Variants in WASHC4 observed in about 807,000 individuals in gnomAD.
WASHC4 encodes the protein WASH complex subunit 4, also known as WASH complex subunit 7.
WASHC4 carries 86 observed loss-of-function variants against 166.6 expected under a neutral mutation model. That is an observed-to-expected ratio of 0.52 (90% CI 0.43 to 0.62). The LOEUF is 0.62. Among genes scored for constraint, WASHC4 ranks in the 20% least tolerant of loss-of-function variants. WASHC4 has a pLI of 0.00. For missense variants in WASHC4, 1,262 were observed against 1,382.4 expected (o/e 0.91, Z 1.38); for synonymous variants, 446 against 451.6 (o/e 0.99, Z 0.16).
intron 18 of WASHC4, 29 bp from the exon 19 acceptor site, chr12:105,142,424 G>T: frequency 7.9e-7 from 1 of 1,267,400 alleles, no homozygotes; most frequent in Non-Finnish European, 1.2e-6. Context: ...TTCAGTTTTG[G>T]TGTGACTGAT....
chr12:105,139,353 G>A (rs1171295163), intron 15 of WASHC4, among the ~76,000 whole-genome samples: 2 of 148,366 alleles, frequency 1.3e-5, no homozygotes, highest in Non-Finnish European at 3.0e-5. Context: ...TGGATTATGT[G>A]TTACGTATAT....
chr12:105,114,402 G>A lies in WASHC4; in HGVS notation c.296G>A (p.Cys99Tyr), dbSNP rs751037403. ...ATCACTGTTTATGCTGCACTTTGTT[G>A]TGAAATCAAGAAATTAAAATATGAG... Reference protein sequence around the residue: ...KVITVYAALCCEIKKLKYEAE... With the variant: ...KVITVYAALCYEIKKLKYEAE... Residue 99 changes from cysteine (C) to tyrosine (Y), a missense_variant, in exon 4 of 33, where the codon TGT becomes TAT. Transcript: ENST00000332180. 6.3e-7 allele frequency: 1 copy of A among 1,594,412 alleles called. No homozygotes were observed. The highest frequency in any genetic ancestry group is 2.3e-5 in the East Asian group (1 of 44,388).
At chr12:105,129,273 C>T (rs759435095) in intron 13 of WASHC4, among the ~76,000 whole-genome samples, 3 of 152,028 alleles carry the variant, frequency 2.0e-5, no homozygotes, top group African/African-American at 2.4e-5. Flanking sequence ...TTAGTAGAGA[C>T]GAGGTTTCAT....
At chr12:105,123,431 A>G (rs1424914463) in intron 10 of WASHC4, among the ~76,000 whole-genome samples, 1 of 152,268 alleles carries the variant, frequency 6.6e-6, no homozygotes, top group African/African-American at 2.4e-5. Context: ...GTGAACACAC[A>G]GATGATAAGA....
rs756634597 is a variant in WASHC4, at chr12:105,160,066, T to C, written c.2978T>C (p.Met993Thr). The change falls in exon 29 of 33, where the codon ATG becomes ACG. Residue 993 changes from methionine to threonine, a missense_variant. Physicochemically the swap from Met to Thr is moderately conservative, Grantham distance 81. Coordinates refer to ENST00000332180, the MANE Select transcript of WASHC4 (RefSeq NM_015275.3). ...GCCGAAGGCACAGAATATTTCAAAA[T>C]GCTTGTAGACGTTTTTGCTCCAGAA... ...NSAEGTEYFKMLVDVFAPEFR... is the reference protein window; with the variant it reads ...NSAEGTEYFKTLVDVFAPEFR... 6.2e-7 allele frequency: 1 copy of C among 1,613,692 alleles called. No individual in the cohort carries two copies.
chr12:105,143,070 G>C, intron 19 of WASHC4, 57 bp from the exon 20 acceptor site: 1 of 1,046,768 alleles, frequency 9.6e-7, no homozygotes, highest in South Asian at 1.3e-5. Context: ...TTGCAGTATT[G>C]TTTAGATTAG....
intron 28 of WASHC4, among the ~76,000 whole-genome samples, chr12:105,158,017 G>A (rs1024634021): frequency 2.0e-5 from 3 of 151,974 alleles, no homozygotes; most frequent in Non-Finnish European, 2.9e-5. Context: ...CTGGGCAAGG[G>A]GGAGACAATT....
chr12:105,167,070 G>T lies in WASHC4; in HGVS notation c.*139G>T. ...AGATGTTACAGTTCTTAAAGGCAGT[G>T]CTTTAAAGTGAAGTTCATTCTGTTT... On this transcript the variant is annotated 3_prime_UTR_variant, in exon 33 of 33. Coordinates refer to ENST00000332180, the MANE Select transcript of WASHC4 (RefSeq NM_015275.3). 1 of 668,974 alleles carries T rather than the reference G, an allele frequency of 1.5e-6. No homozygotes were observed. The highest frequency in any genetic ancestry group is 2.7e-6 in the Non-Finnish European group (1 of 368,948). 41.4% of individuals were successfully genotyped at this position (668,974 alleles called of 1,614,324 possible).
At chr12:105,139,769 C>T (rs1173493900) in intron 15 of WASHC4, among the ~76,000 whole-genome samples, 3 of 151,584 alleles carry the variant, frequency 2.0e-5, no homozygotes, top group African/African-American at 7.3e-5. Flanking sequence ...GTCACTTGTA[C>T]CTGGTAGATA....
chr12:105,131,579 A>G (rs887724781), intron 13 of WASHC4, among the ~76,000 whole-genome samples: 4 of 152,178 alleles, frequency 2.6e-5, no homozygotes, highest in South Asian at 4.1e-4. Flanking sequence ...AGAGTTCCAT[A>G]GTCTAGCCTA....
chr12:105,155,832 ACT>A (rs1340515316), intron 26 of WASHC4, among the ~76,000 whole-genome samples: 2 of 152,130 alleles, frequency 1.3e-5, no homozygotes, highest in Admixed American at 1.3e-4. Context: ...ACAGAGTGAG[ACT>A]CTGTCTCAAA....
At chr12:105,160,201 A>C in intron 29 of WASHC4, 53 bp downstream of exon 29, 1 of 1,451,436 alleles carries the variant, frequency 6.9e-7, no homozygotes, top group Non-Finnish European at 9.7e-7. Flanking sequence ...GAGTATGCAC[A>C]AATAGATCTG....
intron 20 of WASHC4, among the ~76,000 whole-genome samples, chr12:105,143,545 A>G (rs1056604608): frequency 3.3e-5 from 5 of 152,052 alleles, no homozygotes; most frequent in Admixed American, 6.5e-5. Context: ...AAAGCTGCTA[A>G]TGGTCCAGTT....
At chr12:105,125,775 A>G (rs540097769) in intron 10 of WASHC4, among the ~76,000 whole-genome samples, 10 of 152,212 alleles carry the variant, frequency 6.6e-5, no homozygotes, top group African/African-American at 2.4e-4. Context: ...ATTTGGGTTC[A>G]ATTTTATTAC....
chr12:105,148,715 G>A (rs1027835224), intron 24 of WASHC4: 3 of 985,350 alleles, frequency 3.0e-6, no homozygotes, highest in Non-Finnish European at 3.6e-6. Context: ...TGAATACTGA[G>A]TAAAACGGGC....
intron 13 of WASHC4, among the ~76,000 whole-genome samples, chr12:105,132,917 C>T (rs11112380): frequency 0.096 from 14,559 of 151,740 alleles, 777 homozygotes; most frequent in East Asian, 0.22. Context: ...TTCCACTGTT[C>T]CTATTCTGGT....
chr12:105,142,347 G>A (rs1002204638), intron 18 of WASHC4, 106 bp from the exon 19 acceptor site: 26 of 730,586 alleles, frequency 3.6e-5, no homozygotes, highest in South Asian at 1.0e-4. Context: ...TAGGGAATGC[G>A]AACTGTGTAA....
chr12:105,124,544 A>T (rs1881090394), intron 10 of WASHC4, among the ~76,000 whole-genome samples: 1 of 149,602 alleles, frequency 6.7e-6, no homozygotes, highest in South Asian at 2.1e-4. Context: ...GCAGTGGCGT[A>T]ATCTTTGCTC....
intron 10 of WASHC4, among the ~76,000 whole-genome samples, chr12:105,123,469 G>T (rs556103549): frequency 6.6e-6 from 1 of 152,352 alleles, no homozygotes; most frequent in South Asian, 2.1e-4. Flanking sequence ...TGCTCATATG[G>T]AGAAAGTTTT....
Sources: allele counts gnomAD v4.1 joint callset (sites outside exome capture counted in the v4.1 genomes callset), GRCh38; gene constraint gnomAD v4.1.1; transcripts MANE v1.5; gene names NCBI Gene and HGNC (gene_info 2026-07-23, HGNC 2026-07-21).